Variants in PLXNC1 observed in about 807,000 individuals in gnomAD.
PLXNC1 encodes the protein plexin C1.
In PLXNC1, 75 loss-of-function variants were observed where a neutral mutation model predicts 178.2. The observed-to-expected ratio is 0.42, with a 90% CI of 0.35 to 0.51. The LOEUF is 0.51. Ranked by LOEUF, PLXNC1 falls within the 20% of genes least tolerant of loss-of-function variation. The pLI is 0.02. For synonymous variants in PLXNC1, 790 were observed against 779.9 expected, an observed-to-expected ratio of 1.01 and a Z score of -0.22; for missense variants, 1,503 against 1,984.4, an observed-to-expected ratio of 0.76 and a Z score of 4.61.
chr12:94,249,508 A>G (rs1164345465), intron 14 of PLXNC1, among the ~76,000 whole-genome samples: 3 of 152,124 alleles, frequency 2.0e-5, no homozygotes, highest in East Asian at 3.9e-4. Context: ...TGCTGGCATT[A>G]CAGGTGTGAG....
rs1281472227 is a variant in PLXNC1 at position 94,306,237 on chromosome 12, AG to A, written c.*953del. 6.6e-6 allele frequency: 1 copy of A among 151,882 alleles called. No individual in the cohort carries two copies. The highest frequency in any genetic ancestry group is 2.4e-5 in the African/African-American group (1 of 41,338). The allele number at this position is 151,882 out of a possible 1,614,324, so 9.4% of individuals were successfully genotyped here. On this transcript the variant is annotated 3_prime_UTR_variant, in exon 31 of 31. Transcript: ENST00000258526. ...ACTTGTGTGTGATTTAAAAAAAAAA[AG>A]ATACATTTTACATTTTATCGAATTG...
At chr12:94,287,459 A>G (rs548235929) in intron 23 of PLXNC1, among the ~76,000 whole-genome samples, 1 of 151,932 alleles carries the variant, frequency 6.6e-6, no homozygotes, top group Non-Finnish European at 1.5e-5. Context: ...CCCTGCTGTG[A>G]CCTTTGGCTG....
chr12:94,305,416 G>A lies in PLXNC1; in HGVS notation c.*131G>A, dbSNP rs575788817. 1 of 620,794 alleles carries A rather than the reference G, an allele frequency of 1.6e-6. No individual in the cohort carries two copies. Among genetic ancestry groups the A allele is most frequent in the Admixed American group, 2.8e-5 (1 of 35,458 alleles). The allele number at this position is 620,794 out of a possible 1,614,324, so 38.5% of individuals were successfully genotyped here. A position where few individuals can be genotyped will look rare whatever the true frequency, so the allele number is the denominator to read the frequency against. On this transcript the variant is annotated 3_prime_UTR_variant, in exon 31 of 31. Coordinates refer to ENST00000258526, the MANE Select transcript of PLXNC1 (RefSeq NM_005761.3). ...TCCACTTTGGGCACTGTCTTTTTAA[G>A]AGACCAAGGCACATGCACAGCTTTT...
intron 2 of PLXNC1, among the ~76,000 whole-genome samples, chr12:94,169,594 C>T (rs996886171): frequency 6.6e-6 from 1 of 152,220 alleles, no homozygotes; most frequent in Non-Finnish European, 1.5e-5. Flanking sequence ...TACCCCAACC[C>T]TGACTCACCT....
At chr12:94,150,654 G>A (rs1421911959) in intron 1 of PLXNC1, among the ~76,000 whole-genome samples, 8 of 152,232 alleles carry the variant, frequency 5.3e-5, no homozygotes, top group African/African-American at 1.7e-4. Flanking sequence ...CCTGGCGTGA[G>A]CCGGTGCGAG....
intron 3 of PLXNC1, among the ~76,000 whole-genome samples, chr12:94,184,307 A>C (rs1285990961): frequency 6.8e-6 from 1 of 147,344 alleles, no homozygotes; most frequent in Non-Finnish European, 1.5e-5. Flanking sequence ...TTTTTTTTTA[A>C]TAGAGACGGG....
chr12:94,212,425 A>G (rs1325291582), intron 5 of PLXNC1, among the ~76,000 whole-genome samples: 1 of 152,154 alleles, frequency 6.6e-6, no homozygotes, highest in East Asian at 1.9e-4. Context: ...TGCTGCACCC[A>G]TCAGCTCGTC....
intron 17 of PLXNC1, 48 bp from the exon 18 acceptor site, chr12:94,259,289 C>T: frequency 7.0e-7 from 1 of 1,421,802 alleles, no homozygotes; most frequent in Non-Finnish European, 9.8e-7. Context: ...ATACACTCTT[C>T]ATTTCCTTTG....
Position 94,241,448 on chromosome 12 carries a change from A to G in PLXNC1, c.2300+784A>G, listed in dbSNP as rs547866949. 1.6e-3 allele frequency among the ~76,000 whole-genome samples: 238 copies of G among 152,108 alleles called. 1 individual carries two copies. The highest frequency in any genetic ancestry group is 5.7e-3 in the African/African-American group (236 of 41,498). ...ACCCTACTATGCTACTGAACACTAG[A>G]TCTTATTCTATCTCATTGTATTTTT... On this transcript the variant is annotated intron_variant, in intron 11 of 30. Coordinates refer to ENST00000258526, the MANE Select transcript of PLXNC1 (RefSeq NM_005761.3).
At chr12:94,195,292 G>C (rs1962873736) in intron 4 of PLXNC1, among the ~76,000 whole-genome samples, 1 of 152,074 alleles carries the variant, frequency 6.6e-6, no homozygotes, top group Non-Finnish European at 1.5e-5. Flanking sequence ...ACTTTCCTCT[G>C]GTGTGTTTTG....
intron 21 of PLXNC1, among the ~76,000 whole-genome samples, chr12:94,266,579 C>T (rs1405077475): frequency 6.6e-6 from 1 of 152,190 alleles, no homozygotes; most frequent in Admixed American, 6.5e-5. Context: ...GCGGGTGCTG[C>T]TTAACAACTG....
intron 28 of PLXNC1, among the ~76,000 whole-genome samples, chr12:94,301,760 A>G (rs1437858017): frequency 6.6e-6 from 1 of 152,214 alleles, no homozygotes. Flanking sequence ...ACTCCCAGTC[A>G]TAATCTAAAC....
chr12:94,221,980 A>T (rs1396583195), intron 6 of PLXNC1, among the ~76,000 whole-genome samples: 1 of 152,176 alleles, frequency 6.6e-6, no homozygotes, highest in Non-Finnish European at 1.5e-5. Context: ...TTGATCCTAA[A>T]TCCTTCAAAA....
intron 1 of PLXNC1, chr12:94,167,933 A>T (rs528679696): frequency 1.3e-4 from 20 of 152,356 alleles, no homozygotes; most frequent in African/African-American, 4.3e-4. Context: ...AGAAATATAG[A>T]TGGCACTTTA....
At chr12:94,302,343 A>G (rs139899977) in intron 28 of PLXNC1, among the ~76,000 whole-genome samples, 14 of 152,302 alleles carry the variant, frequency 9.2e-5, no homozygotes, top group African/African-American at 3.4e-4. Flanking sequence ...TCTGTCTAGT[A>G]AAATCCTACC....
intron 26 of PLXNC1, 72 bp downstream of exon 26, chr12:94,297,495 T>C (rs1180465581): frequency 9.6e-7 from 1 of 1,042,770 alleles, no homozygotes; most frequent in African/African-American, 1.6e-5. Context: ...TAATTTCCAC[T>C]GAAGTGTGAA....
intron 17 of PLXNC1, among the ~76,000 whole-genome samples, chr12:94,257,632 G>A (rs1483741799): frequency 6.6e-6 from 1 of 152,176 alleles, no homozygotes; most frequent in Non-Finnish European, 1.5e-5. Context: ...AATTAGCCAG[G>A]CATGGTGGCG....
chr12:94,304,009 C>G lies in PLXNC1; in HGVS notation c.4560C>G (p.Ala1520=), dbSNP rs770656264. 6.3e-7 allele frequency: 1 copy of G among 1,592,476 alleles called. No homozygotes were observed. Among genetic ancestry groups the G allele is most frequent in the South Asian group, 1.1e-5 (1 of 90,424 alleles). The change falls in exon 30 of 31, where the codon GCC becomes GCG. Residue 1520 remains alanine, a synonymous_variant. Transcript: ENST00000258526. ...KHENEFNEEV[A]LTEIYKYIVK... ...AAAATGAATTTAATGAAGAAGTGGCCTTGACAGAAATTTACAAATACATCG... is the reference window on the plus strand; with the variant it reads ...AAAATGAATTTAATGAAGAAGTGGCGTTGACAGAAATTTACAAATACATCG...
chr12:94,190,982 GT>G (rs1411550449), intron 4 of PLXNC1, among the ~76,000 whole-genome samples: 1 of 152,184 alleles, frequency 6.6e-6, no homozygotes, highest in African/African-American at 2.4e-5. Flanking sequence ...TGACATTACT[GT>G]TTTATTTTCT....
Sources: gnomAD v4.1 joint callset for allele counts (sites outside exome capture counted in the v4.1 genomes callset) on GRCh38, gnomAD v4.1.1 for gene constraint, MANE v1.5 for transcripts, NCBI Gene and HGNC (gene_info 2026-07-23, HGNC 2026-07-21) for gene names.